Variants in TIAM2 observed in about 807,000 individuals in gnomAD.
The protein encoded by TIAM2 is rho guanine nucleotide exchange factor TIAM2.
TIAM2 carries 80 observed loss-of-function variants against 152.9 expected under a neutral mutation model. The ratio of observed to expected loss-of-function variants is 0.52; its 90% CI spans 0.44 to 0.63. The LOEUF is 0.63. Among genes scored for constraint, TIAM2 ranks in the 30% least tolerant of loss-of-function variants. The pLI is 0.00. For synonymous variants in TIAM2, 804 were observed against 838.0 expected (o/e 0.96, Z 0.70); for missense variants, 1,965 against 2,120.1 (o/e 0.93, Z 1.44).
At chr6:155,181,136 A>C (rs549575363) in intron 12 of TIAM2, among the ~76,000 whole-genome samples, 1 of 152,320 alleles carries the variant, frequency 6.6e-6, no homozygotes. Flanking sequence ...GCAGAGACCT[A>C]GGGAACAGGA....
At chr6:155,196,716 T>C (rs928340539) in intron 14 of TIAM2, among the ~76,000 whole-genome samples, 4 of 152,260 alleles carry the variant, frequency 2.6e-5, no homozygotes, top group Non-Finnish European at 4.4e-5. Flanking sequence ...TATAGGAGAA[T>C]AAATCAATAG....
At chr6:155,112,125 C>CTTTTTT (rs34148436) in intron 2 of TIAM2, among the ~76,000 whole-genome samples, 1 of 131,406 alleles carries the variant, frequency 7.6e-6, no homozygotes, top group Non-Finnish European at 1.6e-5. Flanking sequence ...TTGGTTTCCT[C>CTTTTTT]TTTTTTTTTT....
At chr6:155,045,194 G>T (rs2114912924) in intron 1 of TIAM2, among the ~76,000 whole-genome samples, 1 of 151,978 alleles carries the variant, frequency 6.6e-6, no homozygotes, top group South Asian at 2.1e-4. Flanking sequence ...GGCCTCCGTA[G>T]TAGCTGGGAT....
At chr6:155,047,688 G>GAGAGAGAGAGGAGAGAGAGA (rs71023609) in intron 1 of TIAM2, among the ~76,000 whole-genome samples, 15 of 44,680 alleles carry the variant, frequency 3.4e-4, no homozygotes, top group East Asian at 5.6e-4. Flanking sequence ...GAGAGAGAGA[G>GAGAGAGAGAGGAGAGAGAGA]GAGAGAGAGA....
At chr6:155,139,291 G>T (rs7767306) in intron 5 of TIAM2, among the ~76,000 whole-genome samples, 1 of 152,120 alleles carries the variant, frequency 6.6e-6, no homozygotes, top group Admixed American at 6.5e-5. Context: ...TGGCACCTCT[G>T]GTAAAGGAGC....
intron 7 of TIAM2, 51 bp from the exon 8 acceptor site, chr6:155,164,364 C>T: frequency 1.3e-6 from 2 of 1,522,400 alleles, no homozygotes; most frequent in Non-Finnish European, 1.8e-6. Flanking sequence ...TTCGTTTTAA[C>T]CTGTGAAAAC....
chr6:155,139,854 C>T (rs888184937), intron 5 of TIAM2, among the ~76,000 whole-genome samples: 7 of 152,132 alleles, frequency 4.6e-5, no homozygotes, highest in African/African-American at 1.2e-4. Flanking sequence ...GCTGCAGAAT[C>T]GCTTGAACCT....
intron 1 of TIAM2, among the ~76,000 whole-genome samples, chr6:155,082,686 A>AAATAAATAAATAAATAAAT (rs1778092851): frequency 6.6e-6 from 1 of 151,356 alleles, no homozygotes; most frequent in Non-Finnish European, 1.5e-5. Context: ...ATAAATAAAT[A>AAATAAATAAATAAATAAAT]AATAAATAAA....
intron 14 of TIAM2, among the ~76,000 whole-genome samples, chr6:155,200,409 A>G (rs1781449131): frequency 6.6e-6 from 1 of 152,128 alleles, no homozygotes; most frequent in Admixed American, 6.5e-5. Flanking sequence ...TGTTAATTCT[A>G]ATTTCTCTCC....
At chr6:155,040,197 A>C (rs986792561) in intron 1 of TIAM2, among the ~76,000 whole-genome samples, 4 of 152,118 alleles carry the variant, frequency 2.6e-5, no homozygotes, top group Non-Finnish European at 4.4e-5. Context: ...TTACTTTCTC[A>C]TCTTTCCCCC....
At chr6:155,024,810 T>A (rs549780260) in intron 1 of TIAM2, among the ~76,000 whole-genome samples, 2 of 152,268 alleles carry the variant, frequency 1.3e-5, no homozygotes, top group African/African-American at 4.8e-5. Context: ...GGAATGCAAA[T>A]GTTTCGAAAT....
Position 155,240,649 on chromosome 6 carries a change from T to G in TIAM2, c.3288T>G (p.Asp1096Glu). The change falls in exon 16 of 27, where the codon GAT (aspartate) becomes GAG (glutamate). Residue 1096 changes from aspartate (D) to glutamate (E), a missense_variant. Coordinates refer to ENST00000682666, the MANE Select transcript of TIAM2 (RefSeq NM_012454.4). ...PPRSLARHLS[D>E]ADRLRKVIQE... is the part of the protein sequence containing the mutation. The stretch of plus-strand genomic sequence containing the variant: ...GGTCTCTGGCCCGCCACCTGTCTGA[T>G]GCAGACCGCCTCCGCAAAGTCATCC... 6.2e-7 allele frequency: 1 copy of G among 1,614,054 alleles called. No homozygotes were observed. The highest frequency in any genetic ancestry group is 1.3e-5 in the African/African-American group (1 of 75,072).
At chr6:155,250,398 T>C (rs1484559133) in intron 21 of TIAM2, 2 of 595,206 alleles carry the variant, frequency 3.4e-6, no homozygotes, top group Non-Finnish European at 5.4e-6. Flanking sequence ...TTTTATCTGA[T>C]TGCTTAATTT....
rs559307371 is a variant in TIAM2, at chr6:155,070,209, C to CTTTTT, written c.-208-20055_-208-20051dup. On this transcript the variant is annotated intron_variant, in intron 1 of 26. Coordinates refer to ENST00000682666, the MANE Select transcript of TIAM2 (RefSeq NM_012454.4). Reference sequence around the variant, plus strand: ...GTATGAGCCACCGCGCCTGGCCAGACTTTTTTTTTTTTTTTTTTTTTTTTT... The same window carrying CTTTTT: ...GTATGAGCCACCGCGCCTGGCCAGACTTTTTTTTTTTTTTTTTTTTTTTTTTTTTT... 3.2e-4 allele frequency among the ~76,000 whole-genome samples: 14 copies of CTTTTT among 44,146 alleles called. 3 individuals carry two copies. Among genetic ancestry groups the CTTTTT allele is most frequent in the African/African-American group, 1.3e-3 (11 of 8,322 alleles). The allele number at this position is 44,146 out of a possible 152,430, so 29.0% of individuals were successfully genotyped here. A position where few individuals can be genotyped will look rare whatever the true frequency, so the allele number is the denominator to read the frequency against.
chr6:155,138,953 A>C (rs761995404), intron 5 of TIAM2, among the ~76,000 whole-genome samples: 5 of 152,216 alleles, frequency 3.3e-5, no homozygotes, highest in Non-Finnish European at 5.9e-5. Context: ...AATTGCCTTG[A>C]GGAAGAGAGA....
intron 2 of TIAM2, among the ~76,000 whole-genome samples, chr6:155,118,086 C>T (rs1327112391): frequency 5.9e-5 from 9 of 152,152 alleles, no homozygotes; most frequent in African/African-American, 2.2e-4. Context: ...GGTTGATGGT[C>T]GTGCCGTGGT....
chr6:155,190,591 G>A (rs1197672586), intron 14 of TIAM2, among the ~76,000 whole-genome samples: 2 of 152,238 alleles, frequency 1.3e-5, no homozygotes, highest in Non-Finnish European at 2.9e-5. Flanking sequence ...GTAAAAATCA[G>A]TCTTGGCTTT....
chr6:155,118,132 G>A (rs1779058144), intron 2 of TIAM2, among the ~76,000 whole-genome samples: 1 of 152,172 alleles, frequency 6.6e-6, no homozygotes, highest in Non-Finnish European at 1.5e-5. Flanking sequence ...GGGTGTAAGG[G>A]GATGGGCAGG....
At chr6:155,047,612 G>C (rs1054762652) in intron 1 of TIAM2, among the ~76,000 whole-genome samples, 4 of 150,072 alleles carry the variant, frequency 2.7e-5, no homozygotes, top group Non-Finnish European at 4.4e-5. Flanking sequence ...TGTTTAAAGA[G>C]GACAGAAAGC....
Sources: allele counts gnomAD v4.1 joint callset (sites outside exome capture counted in the v4.1 genomes callset), GRCh38; gene constraint gnomAD v4.1.1; transcripts MANE v1.5; gene names NCBI Gene and HGNC (gene_info 2026-07-23, HGNC 2026-07-21).